ETNK1: variants seen among roughly 807,000 people sequenced by gnomAD.
The protein encoded by ETNK1 is putative protein product of Nbla10396.
A neutral mutation model predicts 45.1 loss-of-function variants in ETNK1; 8 were observed. The observed-to-expected ratio is 0.18, with a 90% CI of 0.10 to 0.32. The LOEUF (loss-of-function observed/expected upper bound fraction) is 0.32, where lower values mean the gene tolerates loss of function less well. ETNK1 is among the 10% of genes least tolerant of loss of function. The probability of loss-of-function intolerance (pLI) is 1.00; values close to 1 mark genes in which losing one functional copy is unlikely to be tolerated. For missense variants in ETNK1, 302 were observed against 430.6 expected (o/e 0.70, Z 2.64); for synonymous variants, 152 against 151.9 (o/e 1.00, Z -0.01).
intron 6 of ETNK1, among the ~76,000 whole-genome samples, chr12:22,679,702 G>GTTTT (rs71444173): frequency 7.8e-6 from 1 of 128,544 alleles, no homozygotes; most frequent in Non-Finnish European, 1.6e-5. Flanking sequence ...TTGGTTTTTT[G>GTTTT]TTTTTTTTTT....
chr12:22,662,150 T>C (rs1281237057), intron 4 of ETNK1, among the ~76,000 whole-genome samples: 2 of 143,974 alleles, frequency 1.4e-5, no homozygotes, highest in Non-Finnish European at 1.5e-5. Context: ...TCACTGTAAC[T>C]TCCGCCTCCC....
intron 1 of ETNK1, 167 bp downstream of exon 1, chr12:22,625,753 C>G (rs1319036657): frequency 2.0e-6 from 2 of 1,011,568 alleles, no homozygotes; most frequent in African/African-American, 3.2e-5. Context: ...AGGAGGGTCA[C>G]TCCCCCTTCC....
intron 6 of ETNK1, among the ~76,000 whole-genome samples, chr12:22,675,201 A>G (rs1954148006): frequency 6.6e-6 from 1 of 151,016 alleles, no homozygotes; most frequent in African/African-American, 2.4e-5. Context: ...TCTGAGTAGC[A>G]AGCGCCACCA....
intron 1 of ETNK1, among the ~76,000 whole-genome samples, chr12:22,633,746 C>G (rs536642144): frequency 2.1e-5 from 3 of 145,236 alleles, no homozygotes; most frequent in Admixed American, 6.8e-5. Flanking sequence ...TTGATTTATC[C>G]CTAGGTGTTG....
chr12:22,635,143 C>T (rs1013510113), intron 1 of ETNK1, among the ~76,000 whole-genome samples: 1 of 152,180 alleles, frequency 6.6e-6, no homozygotes, highest in Admixed American at 6.5e-5. Context: ...TCTTACCAAG[C>T]GATAGAGTCC....
chr12:22,633,777 A>G (rs1225839332), intron 1 of ETNK1, among the ~76,000 whole-genome samples: 1 of 152,138 alleles, frequency 6.6e-6, no homozygotes, highest in African/African-American at 2.4e-5. Flanking sequence ...ATATTATTGT[A>G]AAGGGTATCA....
At chr12:22,642,606 C>T (rs1953753395) in intron 1 of ETNK1, among the ~76,000 whole-genome samples, 1 of 151,928 alleles carries the variant, frequency 6.6e-6, no homozygotes, top group East Asian at 1.9e-4. Flanking sequence ...AATACTTTCA[C>T]ATCTTTTTTC....
At chr12:22,667,256 C>T (rs1408978177) in intron 4 of ETNK1, among the ~76,000 whole-genome samples, 1 of 152,172 alleles carries the variant, frequency 6.6e-6, no homozygotes, top group Non-Finnish European at 1.5e-5. Context: ...AGAAACACCA[C>T]ACTTTTTTCT....
At chr12:22,680,732 A>T (rs1954205903) in intron 6 of ETNK1, among the ~76,000 whole-genome samples, 2 of 152,226 alleles carry the variant, frequency 1.3e-5, no homozygotes, top group South Asian at 4.1e-4. Context: ...ATAAATGGTT[A>T]GTAAATGTTG....
At position 22,625,574 on chromosome 12, in the gene ETNK1, G is replaced by A. The variant is rs114417438; in HGVS notation, c.144G>A (p.Glu48=). 7.4e-4 allele frequency: 1,185 copies of A among 1,592,606 alleles called. 9 individuals carry two copies. The African/African-American group carries it at 0.014, about 19-fold the overall frequency. ...TGCGGCCTCACTGGGACCCCCAGGA[G>A]GTGACCCTGCAGGTAACGCCCACAC... ...QHLRPHWDPQ[E]VTLQLFTDGI... is the part of the protein sequence containing the mutation. Residue 48 remains glutamate (E), a synonymous_variant, in exon 1 of 8, where the codon GAG becomes GAA. Transcript: ENST00000266517.
At chr12:22,644,180 A>G in intron 2 of ETNK1, 158 bp downstream of exon 2, 1 of 1,553,080 alleles carries the variant, frequency 6.4e-7, no homozygotes, top group Non-Finnish European at 8.7e-7. Flanking sequence ...TTTCCCTAAA[A>G]AGATAGAAGT....
At position 22,685,001 on chromosome 12, in the gene ETNK1, C is replaced by T. The variant is rs749812731; in HGVS notation, c.*47C>T. The T allele has an allele frequency of 1.5e-6, 2 of 1,376,766 alleles. No homozygotes were observed. Among genetic ancestry groups the T allele is most frequent in the Non-Finnish European group, 1.0e-6 (1 of 998,554 alleles). The allele number at this position is 1,376,766 out of a possible 1,614,324, so 85.3% of individuals were successfully genotyped here. ...CAGTAGCTGAGCAATGCTTGTGAAT[C>T]TTTTCTTAAGAAATCCCAAAAAGCC... On this transcript the variant is annotated 3_prime_UTR_variant, in exon 8 of 8. Transcript: ENST00000266517.
rs527337800 is a variant in ETNK1, at chr12:22,673,522, T to C, written c.807T>C (p.Ser269=). Residue 269 remains serine (S), a synonymous_variant, in exon 6 of 8, where the codon AGT becomes AGC. Transcript: ENST00000266517. ...EFAGVSDVDY[S]LYPDRELQSQ... ...AAGGTGTGAGTGATGTAGACTATAGTCTGTATCCAGATAGAGAACTACAGA... is the reference window on the plus strand; with the variant it reads ...AAGGTGTGAGTGATGTAGACTATAGCCTGTATCCAGATAGAGAACTACAGA... 3 of 1,613,322 alleles carry C rather than the reference T, an allele frequency of 1.9e-6. No homozygotes were observed. In the African/African-American group the frequency reaches 4.0e-5, roughly 22 times the overall value.
intron 6 of ETNK1, among the ~76,000 whole-genome samples, chr12:22,674,764 A>G (rs1268833769): frequency 6.6e-6 from 1 of 152,222 alleles, no homozygotes; most frequent in African/African-American, 2.4e-5. Flanking sequence ...TGCTATTAGA[A>G]AGCTGATTTG....
intron 3 of ETNK1, among the ~76,000 whole-genome samples, chr12:22,659,517 G>A (rs142098894): frequency 6.6e-6 from 1 of 152,168 alleles, no homozygotes; most frequent in Non-Finnish European, 1.5e-5. Context: ...GAGCACAAGA[G>A]CCTGGAGCCA....
At chr12:22,669,380 T>G (rs941452073) in intron 4 of ETNK1, among the ~76,000 whole-genome samples, 1 of 152,002 alleles carries the variant, frequency 6.6e-6, no homozygotes, top group Non-Finnish European at 1.5e-5. Context: ...AGTTTAAACA[T>G]TTTGGTTTAT....
chr12:22,679,485 A>C (rs1954192606), intron 6 of ETNK1, among the ~76,000 whole-genome samples: 1 of 152,138 alleles, frequency 6.6e-6, no homozygotes, highest in Admixed American at 6.5e-5. Context: ...CCACAGACTC[A>C]AATGTCAGTC....
intron 1 of ETNK1, among the ~76,000 whole-genome samples, chr12:22,642,935 C>A (rs922381509): frequency 2.0e-5 from 3 of 151,922 alleles, no homozygotes; most frequent in Admixed American, 1.3e-4. Context: ...TACCTGTTTC[C>A]TTTTGAAATA....
intron 1 of ETNK1, among the ~76,000 whole-genome samples, chr12:22,631,597 G>C (rs1953581656): frequency 6.6e-6 from 1 of 152,156 alleles, no homozygotes; most frequent in Admixed American, 6.5e-5. Context: ...AAAATAATTT[G>C]AGAGAGACTG....
Sources: allele counts gnomAD v4.1 joint callset (sites outside exome capture counted in the v4.1 genomes callset), GRCh38; gene constraint gnomAD v4.1.1; transcripts MANE v1.5; gene names NCBI Gene and HGNC (gene_info 2026-07-23, HGNC 2026-07-21).